The following FLNB variants were observed in gnomAD, a reference collection of about 807,000 sequenced individuals.
FLNB encodes filamin B.
FLNB carries 111 observed loss-of-function variants against 250.6 expected under a neutral mutation model. That is an observed-to-expected ratio of 0.44 (90% CI 0.38 to 0.52). FLNB has a LOEUF of 0.52. Among genes scored for constraint, FLNB ranks in the 20% least tolerant of loss-of-function variants. The probability of loss-of-function intolerance (pLI) is 0.00; values close to 1 mark genes in which losing one functional copy is unlikely to be tolerated. For synonymous variants in FLNB, 1,302 were observed against 1,372.1 expected, an observed-to-expected ratio of 0.95 and a Z score of 1.13; for missense variants, 2,869 against 3,447.8, an observed-to-expected ratio of 0.83 and a Z score of 4.20.
At chr3:58,042,353 T>TG (rs1217128592) in intron 1 of FLNB, among the ~76,000 whole-genome samples, 2 of 151,036 alleles carry the variant, frequency 1.3e-5, no homozygotes, top group Admixed American at 6.6e-5. Flanking sequence ...AGGTTTTTTT[T>TG]TTTTTTTTTT....
intron 4 of FLNB, among the ~76,000 whole-genome samples, chr3:58,083,806 G>A (rs1395578158): frequency 6.6e-6 from 1 of 152,192 alleles, no homozygotes; most frequent in Non-Finnish European, 1.5e-5. Flanking sequence ...TGAGGTGTGT[G>A]AGACATCACT....
intron 22 of FLNB, among the ~76,000 whole-genome samples, chr3:58,124,868 T>C (rs900821503): frequency 1.3e-5 from 2 of 152,080 alleles, no homozygotes; most frequent in Non-Finnish European, 2.9e-5. Context: ...AAAAGTGCCA[T>C]GTATATCTCC....
At chr3:58,170,383 A>G (rs1004739142) in intron 45 of FLNB, 192 bp from the exon 46 acceptor site, 7 of 611,136 alleles carry the variant, frequency 1.1e-5, no homozygotes, top group Non-Finnish European at 2.1e-5. Context: ...CCCAGGTAGC[A>G]AGTGGCAGGG....
intron 28 of FLNB, among the ~76,000 whole-genome samples, chr3:58,136,440 A>G (rs916459076): frequency 3.3e-5 from 5 of 152,220 alleles, no homozygotes; most frequent in African/African-American, 1.2e-4. Context: ...TGCTAGGTAC[A>G]TGATAACTAT....
chr3:58,166,793 G>A (rs1191431751), intron 43 of FLNB, among the ~76,000 whole-genome samples: 1 of 151,020 alleles, frequency 6.6e-6, no homozygotes, highest in African/African-American at 2.4e-5. Context: ...CCGTACTCCA[G>A]CCTGGGCAAC....
At chr3:58,097,503 G>A (rs2097241020) in intron 6 of FLNB, among the ~76,000 whole-genome samples, 1 of 152,158 alleles carries the variant, frequency 6.6e-6, no homozygotes, top group Non-Finnish European at 1.5e-5. Flanking sequence ...GGCCCATTCA[G>A]CCCCCGAAAG....
At chr3:58,102,894 C>A (rs879934275) in intron 9 of FLNB, among the ~76,000 whole-genome samples, 1 of 152,192 alleles carries the variant, frequency 6.6e-6, no homozygotes, top group Admixed American at 6.5e-5. Context: ...TTAAACCCTG[C>A]AACCCATTCT....
In FLNB at chr3:58,150,130, T is replaced by TG; in HGVS notation, c.6274dup (p.Glu2092GlyfsTer25). ...GGAGCCCATTTACCGTGAAGATCAGTGGGGAGGGAAGAGTCAAAGAGAGCA... is the reference window on the plus strand; with the variant it reads ...GGAGCCCATTTACCGTGAAGATCAGTGGGGGAGGGAAGAGTCAAAGAGAGCA... On this transcript the variant is annotated frameshift_variant, in exon 38 of 46. Coordinates refer to ENST00000295956, the MANE Select transcript of FLNB (RefSeq NM_001457.4). LOFTEE classifies it high-confidence loss of function. 6.2e-7 allele frequency: 1 copy of TG among 1,614,070 alleles called. No individual in the cohort carries two copies. The highest frequency in any genetic ancestry group is 2.2e-5 in the East Asian group (1 of 44,874).
intron 1 of FLNB, among the ~76,000 whole-genome samples, chr3:58,046,280 A>C (rs1177500360): frequency 1.3e-5 from 2 of 152,110 alleles, no homozygotes; most frequent in Admixed American, 6.6e-5. Flanking sequence ...GCTAGGAAGA[A>C]TAAGAGCTTG....
chr3:58,154,620 A>G, intron 39 of FLNB, 171 bp from the exon 40 acceptor site: 1 of 628,726 alleles, frequency 1.6e-6, no homozygotes, highest in Non-Finnish European at 2.8e-6. Flanking sequence ...AGTGATGCTT[A>G]GGAAACTTCA....
chr3:58,159,055 T>TTAACTGCTATGGAGTACTGC (rs2097357407), intron 41 of FLNB, among the ~76,000 whole-genome samples: 1 of 152,034 alleles, frequency 6.6e-6, no homozygotes, highest in African/African-American at 2.4e-5. Context: ...CAGCTGATTC[T>TTAACTGCTATGGAGTACTGC]TAACTGCTAT....
intron 32 of FLNB, among the ~76,000 whole-genome samples, chr3:58,144,230 A>G (rs1192769925): frequency 6.6e-6 from 1 of 152,060 alleles, no homozygotes; most frequent in Non-Finnish European, 1.5e-5. Context: ...AAATTTTTTT[A>G]TGTTCGATTT....
At chr3:58,023,238 A>G (rs1204496535) in intron 1 of FLNB, among the ~76,000 whole-genome samples, 1 of 150,982 alleles carries the variant, frequency 6.6e-6, no homozygotes, top group Non-Finnish European at 1.5e-5. Context: ...AGCTGGGACT[A>G]CAGGCACGTG....
chr3:58,090,730 A>G (rs1299956329), intron 4 of FLNB, among the ~76,000 whole-genome samples: 1 of 152,188 alleles, frequency 6.6e-6, no homozygotes, highest in African/African-American at 2.4e-5. Context: ...ATGCATTATA[A>G]CCAAGTGGGG....
At position 58,169,812 on chromosome 3, in the gene FLNB, T is replaced by G; in HGVS notation, c.7621+19T>G. 3 of 743,070 alleles carry G rather than the reference T, an allele frequency of 4.0e-6. No individual in the cohort carries two copies. The highest frequency in any genetic ancestry group is 4.6e-6 in the Non-Finnish European group (2 of 439,446). The allele number at this position is 743,070 out of a possible 1,614,324, so 46.0% of individuals were successfully genotyped here. ...AAAGCTGGTAGGTGTCTGGGCCTTT[T>G]CAAGGGTGGGGTGGGGCAGGGGCAG... On this transcript the variant is annotated intron_variant, in intron 45 of 45. Transcript: ENST00000295956. This position sits in a 1 kb window ranked among gnomAD's most constrained non-coding sequence, Gnocchi z 4.8.
chr3:58,160,770 C>T (rs1190794278), intron 42 of FLNB, among the ~76,000 whole-genome samples: 1 of 151,524 alleles, frequency 6.6e-6, no homozygotes, highest in African/African-American at 2.4e-5. Context: ...CAGTTGAGCC[C>T]AGGAGTTTGG....
chr3:58,121,204 G>C, intron 19 of FLNB, 37 bp from the exon 20 acceptor site: 1 of 1,613,976 alleles, frequency 6.2e-7, no homozygotes, highest in Non-Finnish European at 8.5e-7. Context: ...TGCTGAAAAG[G>C]GTCAGCTCTT....
chr3:58,131,936 CG>C (rs1559717420), intron 25 of FLNB: 1 of 1,536,686 alleles, frequency 6.5e-7, no homozygotes, highest in Non-Finnish European at 8.7e-7. Flanking sequence ...GCTGACGACA[CG>C]GATTCCCAGT....
At chr3:58,147,922 A>G (rs1476307850) in intron 34 of FLNB, among the ~76,000 whole-genome samples, 3 of 152,172 alleles carry the variant, frequency 2.0e-5, no homozygotes, top group Non-Finnish European at 4.4e-5. Flanking sequence ...AGCCTCTCAA[A>G]GTGTTGGGAT....
Sources: gnomAD v4.1 joint callset for allele counts (sites outside exome capture counted in the v4.1 genomes callset) on GRCh38, gnomAD v4.1.1 for gene constraint, Gnocchi (gnomAD v3.1) non-coding constraint, MANE v1.5 for transcripts, NCBI Gene and HGNC (gene_info 2026-07-23, HGNC 2026-07-21) for gene names.